The following TIMM50 variants were observed in gnomAD, a reference collection of about 807,000 sequenced individuals.
TIMM50 encodes mitochondrial import inner membrane translocase subunit TIM50.
TIMM50 carries 34 observed loss-of-function variants against 49.6 expected under a neutral mutation model. That is an observed-to-expected ratio of 0.69 (90% confidence interval 0.52 to 0.91). The LOEUF (loss-of-function observed/expected upper bound fraction) is 0.91. TIMM50 is among the 40% of genes least tolerant of loss of function. TIMM50 has a pLI of 0.00. For missense variants in TIMM50, 458 were observed against 477.8 expected (o/e 0.96, Z 0.39); for synonymous variants, 199 against 198.4 (o/e 1.00, Z -0.03).
intron 1 of TIMM50, 177 bp downstream of exon 1, chr19:39,481,138 G>T (rs1326053521): frequency 2.4e-6 from 2 of 839,952 alleles, no homozygotes; most frequent in Non-Finnish European, 3.5e-6. Flanking sequence ...CTGGAGGCTG[G>T]GAATCCAGGT....
Position 39,486,230 on chromosome 19 carries a change from C to A in TIMM50, c.536C>A (p.Thr179Asn). Residue 179 changes from threonine (T) to asparagine (N), a missense_variant, in exon 7 of 11, where the codon ACC becomes AAC. Transcript: ENST00000607714. Reference protein sequence around the residue: ...WRFKKRPGIETLFQQLAPLYE... With the variant: ...WRFKKRPGIENLFQQLAPLYE... Reference sequence around the variant, plus strand: ...TTTAAGAAGCGCCCAGGCATCGAGACCTTGTTCCAGCAGCTTGCCCCTTTA... The same window carrying A: ...TTTAAGAAGCGCCCAGGCATCGAGAACTTGTTCCAGCAGCTTGCCCCTTTA... 1 of 1,614,170 alleles carries A rather than the reference C, an allele frequency of 6.2e-7. No homozygotes were observed. The highest frequency in any genetic ancestry group is 8.5e-7 in the Non-Finnish European group (1 of 1,180,036).
At chr19:39,485,665 C>T (rs772785394) in intron 5 of TIMM50, 23 bp from the exon 6 acceptor site, 18 of 1,613,960 alleles carry the variant, frequency 1.1e-5, no homozygotes, top group East Asian at 2.2e-5. Flanking sequence ...TCTGAGCGCC[C>T]CCATCCTGTC....
rs1172590257 is a variant in TIMM50, at chr19:39,489,750, A to T, written c.992A>T (p.Lys331Met). The change falls in exon 11 of 11, where the codon AAG (lysine) becomes ATG (methionine). Residue 331 changes from lysine (K) to methionine (M), a missense_variant. Transcript: ENST00000607714. ...EEQQRLAELS[K>M]SNKQNLFLGS... ...CAGCAGCGCCTGGCCGAGCTCTCCA[A>T]GTCCAACAAGCAGAACCTCTTCCTT... The T allele has an allele frequency of 1.2e-6, 2 of 1,611,828 alleles. No individual in the cohort carries two copies. The highest frequency in any genetic ancestry group is 1.3e-5 in the African/African-American group (1 of 74,878).
At chr19:39,485,141 T>C (rs1385310360) in intron 4 of TIMM50, 21 of 168,398 alleles carry the variant, frequency 1.2e-4, no homozygotes, top group Admixed American at 1.2e-3. Flanking sequence ...TTTTTTTTAC[T>C]GTTTTAGTAG....
intron 8 of TIMM50, among the ~76,000 whole-genome samples, chr19:39,487,656 G>A (rs1360852329): frequency 6.6e-6 from 1 of 151,920 alleles, no homozygotes; most frequent in Non-Finnish European, 1.5e-5. Context: ...ACAGAGTTTC[G>A]CCATGTTGCC....
At chr19:39,488,396 C>T (rs2079521803) in intron 9 of TIMM50, 143 bp from the exon 10 acceptor site, 9 of 1,076,980 alleles carry the variant, frequency 8.4e-6, no homozygotes, top group Non-Finnish European at 1.2e-5. Flanking sequence ...TGGGGATGTT[C>T]AGGGGAGCCC....
intron 10 of TIMM50, 43 bp downstream of exon 10, chr19:39,488,688 T>C (rs1335381643): frequency 7.8e-6 from 12 of 1,548,096 alleles, no homozygotes; most frequent in Middle Eastern, 1.8e-4. Flanking sequence ...GCTCTGAGGC[T>C]CCTGAAGGAG....
Position 39,490,708 on chromosome 19 carries a change from T to G in TIMM50, c.*888T>G, listed in dbSNP as rs555572221. On this transcript the variant is annotated 3_prime_UTR_variant, in exon 11 of 11. Transcript: ENST00000607714. Reference sequence around the variant, plus strand: ...CCCAGCTAAAATAGGGATTTTTATATTAAATCTCCCTATTTTAAAATGTTG... The same window carrying G: ...CCCAGCTAAAATAGGGATTTTTATAGTAAATCTCCCTATTTTAAAATGTTG... 1 of 152,060 alleles carries G rather than the reference T, an allele frequency of 6.6e-6. No homozygotes were observed. Among genetic ancestry groups the G allele is most frequent in the Non-Finnish European group, 1.5e-5 (1 of 68,022 alleles). The allele number at this position is 152,060 out of a possible 1,614,324, so 9.4% of individuals were successfully genotyped here. A position where few individuals can be genotyped will look rare whatever the true frequency, so the allele number is the denominator to read the frequency against.
intron 4 of TIMM50, chr19:39,483,541 TC>T (rs1177523160): frequency 4.9e-6 from 1 of 203,428 alleles, no homozygotes; most frequent in African/African-American, 2.3e-5. Flanking sequence ...CCTTCCTCTC[TC>T]CCCTTCTGGT....
At chr19:39,483,378 T>G (rs2146150689) in intron 4 of TIMM50, 3 of 574,824 alleles carry the variant, frequency 5.2e-6, no homozygotes, top group East Asian at 3.0e-5. Context: ...GATGGGGGAT[T>G]GGAGCCTTGG....
intron 4 of TIMM50, chr19:39,483,428 C>T (rs1409293693): frequency 3.9e-6 from 2 of 518,194 alleles, no homozygotes; most frequent in Admixed American, 3.4e-5. Context: ...TATCTCCAGA[C>T]ACATGGGTTC....
rs770632982 is a variant in TIMM50, at chr19:39,488,659, T to C, written c.960+14T>C. On this transcript the variant is annotated intron_variant, in intron 10 of 10. Transcript: ENST00000607714. ...CGGCTAGAGCAGGTTGGTGCTCAGATGCCCAGAGTGGAGGATCGGCTCTGA... is the reference window on the plus strand; with the variant it reads ...CGGCTAGAGCAGGTTGGTGCTCAGACGCCCAGAGTGGAGGATCGGCTCTGA... The C allele has an allele frequency of 2.5e-6, 4 of 1,608,112 alleles. No individual in the cohort carries two copies. Among genetic ancestry groups the C allele is most frequent in the Non-Finnish European group, 3.4e-6 (4 of 1,175,066 alleles).
intron 8 of TIMM50, 72 bp downstream of exon 8, chr19:39,486,567 C>G: frequency 7.3e-7 from 1 of 1,372,258 alleles, no homozygotes; most frequent in East Asian, 2.3e-5. Flanking sequence ...GAGGGCCCAG[C>G]TCTGACCCTA....
rs773667090 is a variant in TIMM50 at position 39,489,871 on chromosome 19, C to T, written c.*51C>T. On this transcript the variant is annotated 3_prime_UTR_variant, in exon 11 of 11. Coordinates refer to ENST00000607714, the MANE Select transcript of TIMM50 (RefSeq NM_001001563.5). ...CCTGGGTCCAGGGCCCCAGTGCTTC[C>T]AGACCAAGACTTGGGCCACCACTTG... is the stretch of plus-strand genomic sequence containing the variant. 5 of 1,525,108 alleles carry T rather than the reference C, an allele frequency of 3.3e-6. No individual in the cohort carries two copies. In the South Asian group the frequency reaches 3.6e-5, roughly 11 times the overall value. 94.5% of individuals were successfully genotyped at this position (1,525,108 alleles called of 1,614,324 possible). A position where few individuals can be genotyped will look rare whatever the true frequency, so the allele number is the denominator to read the frequency against.
intron 10 of TIMM50, 79 bp downstream of exon 10, chr19:39,488,724 C>A: frequency 8.4e-7 from 1 of 1,197,350 alleles, no homozygotes; most frequent in Admixed American, 1.8e-5. Context: ...CATCTCCACA[C>A]TCTTGGTTTG....
At position 39,488,179 on chromosome 19, in the gene TIMM50, A is replaced by C; in HGVS notation, c.815A>C (p.Asp272Ala). 6.2e-7 allele frequency: 1 copy of C among 1,613,964 alleles called. No individual in the cohort carries two copies. The highest frequency in any genetic ancestry group is 1.1e-5 in the South Asian group (1 of 91,086). Reference sequence around the variant, plus strand: ...CTGCGGCCCTGGGACGGCAACTCTGATGACCGGGTCTTGTTGGATCTGTCT... The same window carrying C: ...CTGCGGCCCTGGGACGGCAACTCTGCTGACCGGGTCTTGTTGGATCTGTCT... ...VALRPWDGNS[D>A]DRVLLDLSAF... The change falls in exon 9 of 11, where the codon GAT becomes GCT. Residue 272 changes from aspartate to alanine, a missense_variant. Physicochemically the swap from Asp to Ala is moderately radical, Grantham distance 126. Transcript: ENST00000607714.
chr19:39,488,456 C>CGGGGGCAGT, intron 9 of TIMM50, 83 bp from the exon 10 acceptor site: 1 of 1,323,196 alleles, frequency 7.6e-7, no homozygotes, highest in East Asian at 2.3e-5. Flanking sequence ...CCCCCGTGCC[C>CGGGGGCAGT]CAGTGCGGGA....
At chr19:39,485,644 T>G in intron 5 of TIMM50, 42 bp downstream of exon 5, 1 of 1,614,146 alleles carries the variant, frequency 6.2e-7, no homozygotes. Context: ...TCTCCAGCCC[T>G]GGCCTCCTTG....
At position 39,485,533 on chromosome 19, in the gene TIMM50, T is replaced by C. The variant is rs1352075140; in HGVS notation, c.314-11T>C. On this transcript the variant is annotated splice_polypyrimidine_tract_variant and intron_variant, in intron 4 of 10. Transcript: ENST00000607714. ...TATTGTGGAATCTCTTTGTGCCTGG[T>C]GTTCTCCTAGATCCAATTCTGGTAC... 5.0e-6 allele frequency: 8 copies of C among 1,614,118 alleles called. No individual in the cohort carries two copies. Among genetic ancestry groups the C allele is most frequent in the Non-Finnish European group, 5.1e-6 (6 of 1,180,012 alleles).
Sources: gnomAD v4.1 joint callset for allele counts (sites outside exome capture counted in the v4.1 genomes callset) on GRCh38, gnomAD v4.1.1 for gene constraint, MANE v1.5 for transcripts, NCBI Gene and HGNC (gene_info 2026-07-23, HGNC 2026-07-21) for gene names.